The following WDFY4 variants were observed in gnomAD, a reference collection of about 807,000 sequenced individuals.
WDFY4 encodes the protein WDFY family member 4, also known as WD repeat- and FYVE domain-containing protein 4.
A neutral mutation model predicts 351.9 loss-of-function variants in WDFY4; 169 were observed. The observed-to-expected ratio is 0.48, with a 90% CI of 0.42 to 0.55. WDFY4 has a LOEUF of 0.55. WDFY4 is among the 20% of genes least tolerant of loss of function. The pLI is 0.00. For synonymous variants in WDFY4, 1,622 were observed against 1,574.6 expected (o/e 1.03, Z -0.71); for missense variants, 3,803 against 3,935.6 (o/e 0.97, Z 0.90).
chr10:48,917,261 A>G (rs998577911), intron 47 of WDFY4, among the ~76,000 whole-genome samples: 1 of 152,230 alleles, frequency 6.6e-6, no homozygotes, highest in African/African-American at 2.4e-5. Flanking sequence ...CTCTATCTCT[A>G]TCTCTGCTGA....
At chr10:48,844,970 G>C (rs1237530383) in intron 39 of WDFY4, among the ~76,000 whole-genome samples, 1 of 152,220 alleles carries the variant, frequency 6.6e-6, no homozygotes, top group Non-Finnish European at 1.5e-5. Context: ...GTCCAAGAAA[G>C]CTTCTCCAAG....
rs903321639 is a variant in WDFY4, at chr10:48,848,023, G to A, written c.6663+15314G>A. On this transcript the variant is annotated intron_variant, in intron 39 of 61. Transcript: ENST00000325239. ...TACTTGACATTTGTTAAGGATCCAG[G>A]GGCTGCATCTCCATAGCAGAGAAAA... is the stretch of plus-strand genomic sequence containing the variant. Among the ~76,000 whole-genome samples, 5 of 152,238 alleles carry A rather than the reference G, an allele frequency of 3.3e-5. No homozygotes were observed. The South Asian group carries it at 6.2e-4, about 19-fold the overall frequency.
chr10:48,896,531 C>A (rs977126753), intron 44 of WDFY4, among the ~76,000 whole-genome samples: 3 of 152,190 alleles, frequency 2.0e-5, no homozygotes, highest in African/African-American at 7.2e-5. Flanking sequence ...TCTGAAGAGA[C>A]CTCATCCTGA....
chr10:48,980,773 C>A (rs1031743635), intron 60 of WDFY4, among the ~76,000 whole-genome samples: 1 of 152,134 alleles, frequency 6.6e-6, no homozygotes, highest in African/African-American at 2.4e-5. Flanking sequence ...GAAGTGGCCT[C>A]GCAGGGACGT....
At chr10:48,936,753 G>T (rs1212738472) in intron 47 of WDFY4, among the ~76,000 whole-genome samples, 2 of 150,054 alleles carry the variant, frequency 1.3e-5, no homozygotes, top group Non-Finnish European at 3.0e-5. Flanking sequence ...CAGGAGAATC[G>T]CTTGAACCCA....
chr10:48,765,114 T>C (rs1369921721), intron 13 of WDFY4, among the ~76,000 whole-genome samples: 2 of 152,196 alleles, frequency 1.3e-5, no homozygotes, highest in Non-Finnish European at 2.9e-5. Flanking sequence ...GAATAGAACA[T>C]ATGGATGAGT....
chr10:48,876,603 G>GTT (rs11343936), intron 42 of WDFY4, among the ~76,000 whole-genome samples: 12 of 151,948 alleles, frequency 7.9e-5, no homozygotes, highest in South Asian at 2.1e-4. Context: ...TCTTTTCCAA[G>GTT]TTTTTTTTAC....
chr10:48,803,356 C>A lies in WDFY4; in HGVS notation c.4481C>A (p.Pro1494Gln), dbSNP rs1358336338. 3 of 1,551,750 alleles carry A rather than the reference C, an allele frequency of 1.9e-6. No homozygotes were observed. The highest frequency in any genetic ancestry group is 2.6e-6 in the Non-Finnish European group (3 of 1,147,046). ...CATCTTTTGGAAATCCTTCAATCAC[C>A]AAGGTAGGCTGGGTCTTGGCAGCCT... ...FSHLLEILQSPREGPRNAEAA... is the reference protein window; with the variant it reads ...FSHLLEILQSQREGPRNAEAA... Residue 1494 changes from proline to glutamine, a missense_variant, in exon 25 of 62, where the codon CCA (proline) becomes CAA (glutamine). By Grantham distance (76) the Pro-to-Gln change is moderately conservative (BLOSUM62 -1). This residue lies in a region of WDFY4 where 3,054 missense variants were observed against 3,148.6 expected (regional missense o/e 0.97). Transcript: ENST00000325239.
At chr10:48,697,065 G>C (rs1406568794) in intron 1 of WDFY4, among the ~76,000 whole-genome samples, 1 of 152,176 alleles carries the variant, frequency 6.6e-6, no homozygotes, top group East Asian at 1.9e-4. Context: ...GTTCAGGGTG[G>C]TGGTGGTGCT....
chr10:48,704,876 G>A (rs949904684), intron 1 of WDFY4, among the ~76,000 whole-genome samples: 10 of 152,356 alleles, frequency 6.6e-5, no homozygotes, highest in African/African-American at 2.4e-4. Flanking sequence ...GTAAATGCCT[G>A]CACTAAGTAG....
At position 48,743,001 on chromosome 10, in the gene WDFY4, C is replaced by T. The variant is rs148252819; in HGVS notation, c.1912C>T (p.Arg638Cys). Residue 638 changes from arginine (R) to cysteine (C), a missense_variant, in exon 12 of 62, where the codon CGT becomes TGT. Transcript: ENST00000325239. Reference sequence around the variant, plus strand: ...CCGGATCCTGGTGACCCCCAAGGGTCGTGCTGCCTTCAGAGTCTCCAGCGG... The same window carrying T: ...CCGGATCCTGGTGACCCCCAAGGGTTGTGCTGCCTTCAGAGTCTCCAGCGG... Reference protein sequence around the residue: ...LLRILVTPKGRAAFRVSSGFN... With the variant: ...LLRILVTPKGCAAFRVSSGFN... 2.0e-4 allele frequency: 314 copies of T among 1,550,624 alleles called. 1 individual carries two copies. In the East Asian group the frequency reaches 6.5e-3, roughly 32 times the overall value.
chr10:48,973,731 C>T (rs1035035999), intron 57 of WDFY4, among the ~76,000 whole-genome samples: 4 of 152,168 alleles, frequency 2.6e-5, no homozygotes, highest in African/African-American at 7.2e-5. Flanking sequence ...CAGGGGGTAC[C>T]AGCATGTGTG....
At chr10:48,959,439 A>G (rs1841757396) in intron 52 of WDFY4, among the ~76,000 whole-genome samples, 1 of 152,224 alleles carries the variant, frequency 6.6e-6, no homozygotes, top group Non-Finnish European at 1.5e-5. Context: ...AGAGGAAGAT[A>G]TACCACACTG....
At chr10:48,761,018 G>A (rs1168315193) in intron 13 of WDFY4, among the ~76,000 whole-genome samples, 1 of 152,200 alleles carries the variant, frequency 6.6e-6, no homozygotes, top group East Asian at 1.9e-4. Flanking sequence ...AGGGTGCTGA[G>A]GTAGAAGAAT....
intron 25 of WDFY4, among the ~76,000 whole-genome samples, chr10:48,803,804 G>T (rs1471515985): frequency 6.6e-6 from 1 of 152,238 alleles, no homozygotes; most frequent in Non-Finnish European, 1.5e-5. Context: ...GAGGGACTTC[G>T]TTGGCTCTTA....
rs540270115 is a variant in WDFY4, at chr10:48,718,290, C to A, written c.235-1721C>A. On this transcript the variant is annotated intron_variant, in intron 2 of 61. Coordinates refer to ENST00000325239, the MANE Select transcript of WDFY4 (RefSeq NM_001394531.1). ...CAGTGGCACGCATTGTGAATATTTT[C>A]TCCCAATTTGTGGCTTGCCTTTTCA... Among the ~76,000 whole-genome samples, 4 of 152,194 alleles carry A rather than the reference C, an allele frequency of 2.6e-5. No homozygotes were observed. The South Asian group carries it at 8.3e-4, about 32-fold the overall frequency.
rs538124583 is a variant in WDFY4, at chr10:48,822,471, G to T, written c.5916G>T (p.Leu1972=). 7.7e-6 allele frequency: 12 copies of T among 1,551,012 alleles called. No individual in the cohort carries two copies. The South Asian group carries it at 8.4e-5, about 11-fold the overall frequency. Reference sequence around the variant, plus strand: ...TCACCCAGAAGCTGGTGGAGAAGCTGTACAGTGGGATGTTCTCGGCAGACC... The same window carrying T: ...TCACCCAGAAGCTGGTGGAGAAGCTTTACAGTGGGATGTTCTCGGCAGACC... The part of the protein sequence containing the change: ...SCFTQKLVEK[L]YSGMFSADPR... The change falls in exon 35 of 62, where the codon CTG becomes CTT. Residue 1972 remains leucine (L), a synonymous_variant. Coordinates refer to ENST00000325239, the MANE Select transcript of WDFY4 (RefSeq NM_001394531.1).
At chr10:48,787,483 T>C (rs1366686055) in intron 20 of WDFY4, among the ~76,000 whole-genome samples, 1 of 152,230 alleles carries the variant, frequency 6.6e-6, no homozygotes, top group Non-Finnish European at 1.5e-5. Flanking sequence ...AGCCAAAGTC[T>C]TACCAATTCT....
At position 48,728,591 on chromosome 10, in the gene WDFY4, G is replaced by T. The variant is rs543075510; in HGVS notation, c.972-841G>T. Among the ~76,000 whole-genome samples, 163 of 152,336 alleles carry T rather than the reference G, an allele frequency of 1.1e-3. 2 individuals are homozygous for T. Among genetic ancestry groups the T allele is most frequent in the African/African-American group, 3.8e-3 (156 of 41,578 alleles). On this transcript the variant is annotated intron_variant, in intron 7 of 61. Coordinates refer to ENST00000325239, the MANE Select transcript of WDFY4 (RefSeq NM_001394531.1). The stretch of plus-strand genomic sequence containing the variant: ...TACATGCGGTGACTTGGACAAGGGG[G>T]CCAAAGTCCTTTGGTCCACCAAGTG...
Sources: gnomAD v4.1 joint callset for allele counts (sites outside exome capture counted in the v4.1 genomes callset) on GRCh38, gnomAD v4.1.1 for gene constraint, gnomAD v4.1.1 regional missense constraint, MANE v1.5 for transcripts, NCBI Gene and HGNC (gene_info 2026-07-23, HGNC 2026-07-21) for gene names.